Variants in ABCD2 observed in about 807,000 individuals in gnomAD.
ABCD2 encodes the protein ATP binding cassette subfamily D member 2, also known as ATP-binding cassette sub-family D member 2.
Under a neutral mutation model 70.9 loss-of-function variants are expected in ABCD2, and 36 were observed. The observed-to-expected ratio is 0.51, with a 90% confidence interval of 0.39 to 0.67. The LOEUF is 0.67. Among genes scored for constraint, ABCD2 ranks in the 30% least tolerant of loss-of-function variants. The pLI, the probability that ABCD2 is intolerant of heterozygous loss-of-function variation, is 0.00. For missense variants in ABCD2, 729 were observed against 890.2 expected (o/e 0.82, Z 2.30); for synonymous variants, 304 against 306.9 (o/e 0.99, Z 0.10).
intron 9 of ABCD2, among the ~76,000 whole-genome samples, chr12:39,572,859 A>T (rs1413669194): frequency 6.6e-6 from 1 of 152,192 alleles, no homozygotes; most frequent in African/African-American, 2.4e-5. Flanking sequence ...AGACAGTTAT[A>T]GTTACTAAGA....
chr12:39,609,162 T>A (rs1433727563), intron 2 of ABCD2, among the ~76,000 whole-genome samples: 1 of 152,164 alleles, frequency 6.6e-6, no homozygotes, highest in Non-Finnish European at 1.5e-5. Flanking sequence ...GTGCATTGAA[T>A]GGATGGATGA....
chr12:39,608,817 T>C (rs1297603824), intron 2 of ABCD2, among the ~76,000 whole-genome samples: 1 of 152,218 alleles, frequency 6.6e-6, no homozygotes, highest in Admixed American at 6.5e-5. Flanking sequence ...GTGTGGTTTC[T>C]TTAATAGAAA....
chr12:39,554,848 A>G (rs1941138663), intron 9 of ABCD2, among the ~76,000 whole-genome samples: 1 of 152,104 alleles, frequency 6.6e-6, no homozygotes, highest in South Asian at 2.1e-4. Context: ...AAGTTGGCAG[A>G]GCTGGTCCTG....
chr12:39,533,317 G>A, the ABCD2 span, among the ~76,000 whole-genome samples: 2 of 152,110 alleles, frequency 1.3e-5, no homozygotes, highest in Admixed American at 1.3e-4. Context: ...TTTTAAATAT[G>A]CTTATTACTT....
chr12:39,573,636 T>A, intron 9 of ABCD2, 80 bp downstream of exon 9: 1 of 1,514,556 alleles, frequency 6.6e-7, no homozygotes, highest in Non-Finnish European at 8.9e-7. Context: ...TACCCTCTAC[T>A]GTGAAAAATT....
At chr12:39,606,816 C>T (rs999390849) in intron 3 of ABCD2, among the ~76,000 whole-genome samples, 2 of 152,116 alleles carry the variant, frequency 1.3e-5, no homozygotes, top group African/African-American at 2.4e-5. Context: ...GTAATTTTAA[C>T]CTTGGCCCTG....
chr12:39,569,673 G>GAACCAGTGCAT (rs1941418501), intron 9 of ABCD2, among the ~76,000 whole-genome samples: 1 of 152,098 alleles, frequency 6.6e-6, no homozygotes, highest in Non-Finnish European at 1.5e-5. Context: ...GATGAACCCG[G>GAACCAGTGCAT]TACCTCAGTT....
At chr12:39,540,462 A>G in the ABCD2 span, among the ~76,000 whole-genome samples, 4,226 of 152,326 alleles carry the variant, frequency 0.028, 79 homozygotes, top group Non-Finnish European at 0.04. Flanking sequence ...TTTCTTTGCC[A>G]TATTTTGAAA....
chr12:39,539,028 C>G, the ABCD2 span, among the ~76,000 whole-genome samples: 2,742 of 152,304 alleles, frequency 0.018, 37 homozygotes, highest in Non-Finnish European at 0.033. Context: ...TGTTGCTCCA[C>G]ACCACCTCGT....
downstream of ABCD2, among the ~76,000 whole-genome samples, chr12:39,549,501 C>G (rs577555812): frequency 3.9e-5 from 6 of 151,956 alleles, no homozygotes; most frequent in South Asian, 1.2e-3. Context: ...TTTACTGAAT[C>G]AGTGAATGAA....
intron 9 of ABCD2, among the ~76,000 whole-genome samples, chr12:39,557,714 G>A (rs1941190354): frequency 6.6e-6 from 1 of 152,158 alleles, no homozygotes; most frequent in Non-Finnish European, 1.5e-5. Context: ...TGGCTAAAAT[G>A]GGCCAAGGTA....
the ABCD2 span, among the ~76,000 whole-genome samples, chr12:39,535,384 G>C: frequency 6.6e-6 from 1 of 152,050 alleles, no homozygotes; most frequent in African/African-American, 2.4e-5. Flanking sequence ...TAAATTTTAT[G>C]TTATTTTAAA....
intron 6 of ABCD2, among the ~76,000 whole-genome samples, chr12:39,587,230 G>A (rs1019206621): frequency 2.6e-5 from 4 of 152,138 alleles, no homozygotes; most frequent in African/African-American, 9.7e-5. Flanking sequence ...GTAATAAAAG[G>A]ATGAGGAAGA....
intron 9 of ABCD2, among the ~76,000 whole-genome samples, chr12:39,559,287 G>T (rs1941216004): frequency 6.9e-6 from 1 of 145,166 alleles, no homozygotes; most frequent in Admixed American, 7.3e-5. Context: ...CAGGGCAGGA[G>T]AATTGCTTGA....
chr12:39,584,202 T>C (rs1329945599), intron 7 of ABCD2, among the ~76,000 whole-genome samples: 1 of 152,202 alleles, frequency 6.6e-6, no homozygotes, highest in Non-Finnish European at 1.5e-5. Flanking sequence ...TTTTTATTAA[T>C]AGTCATTTTG....
intron 6 of ABCD2, among the ~76,000 whole-genome samples, chr12:39,587,516 G>A (rs759452466): frequency 2.0e-5 from 3 of 152,004 alleles, no homozygotes; most frequent in Non-Finnish European, 4.4e-5. Flanking sequence ...AAATCTTCCC[G>A]GTTGAGAACC....
chr12:39,612,991 T>C (rs1942064934), intron 2 of ABCD2, among the ~76,000 whole-genome samples: 1 of 152,164 alleles, frequency 6.6e-6, no homozygotes, highest in Non-Finnish European at 1.5e-5. Flanking sequence ...TAGGTGTCTG[T>C]GATAAGATAT....
At chr12:39,556,491 G>A (rs937440334) in intron 9 of ABCD2, among the ~76,000 whole-genome samples, 19 of 152,210 alleles carry the variant, frequency 1.2e-4, no homozygotes, top group African/African-American at 4.6e-4. Context: ...TCTCTTTCTT[G>A]CTGCCTTGTG....
At chr12:39,607,270 A>T (rs1941981491) in intron 3 of ABCD2, among the ~76,000 whole-genome samples, 1 of 152,176 alleles carries the variant, frequency 6.6e-6, no homozygotes, top group Non-Finnish European at 1.5e-5. Context: ...AGCGACCTTG[A>T]CCCAAGGTCA....
Sources: allele counts gnomAD v4.1 joint callset (sites outside exome capture counted in the v4.1 genomes callset), GRCh38; gene constraint gnomAD v4.1.1; transcripts MANE v1.5; gene names NCBI Gene and HGNC (gene_info 2026-07-23, HGNC 2026-07-21).